MTHFD2L: variants seen among roughly 807,000 people sequenced by gnomAD.
The protein encoded by MTHFD2L is bifunctional methylenetetrahydrofolate dehydrogenase/cyclohydrolase 2, mitochondrial.
Under a neutral mutation model 34.9 loss-of-function variants are expected in MTHFD2L, and 29 were observed. The observed-to-expected ratio is 0.83, with a 90% CI of 0.62 to 1.13. The LOEUF is 1.13. Ranked by LOEUF, MTHFD2L falls within the 50% of genes most tolerant of loss-of-function variation. The pLI, the probability that MTHFD2L is intolerant of heterozygous loss-of-function variation, is 0.00. For synonymous variants in MTHFD2L, 167 were observed against 155.7 expected (o/e 1.07, Z -0.54); for missense variants, 481 against 446.5 (o/e 1.08, Z -0.70).
intron 5 of MTHFD2L, among the ~76,000 whole-genome samples, chr4:74,214,545 A>G (rs1348131121): frequency 6.6e-6 from 1 of 151,748 alleles, no homozygotes; most frequent in Non-Finnish European, 1.5e-5. Flanking sequence ...GAGGCTGCAG[A>G]ACAGCAAAGA....
intron 3 of MTHFD2L, among the ~76,000 whole-genome samples, chr4:74,178,794 A>G (rs1401977821): frequency 6.6e-6 from 1 of 152,096 alleles, no homozygotes; most frequent in African/African-American, 2.4e-5. Context: ...AATCCTGTGA[A>G]GCTGGAGCTA....
chr4:74,242,611 G>A (rs1741883748), intron 6 of MTHFD2L, among the ~76,000 whole-genome samples: 1 of 152,152 alleles, frequency 6.6e-6, no homozygotes, highest in Admixed American at 6.5e-5. Flanking sequence ...AACCAAGTCT[G>A]TCTTACTCTA....
intron 1 of MTHFD2L, among the ~76,000 whole-genome samples, chr4:74,128,495 C>A (rs1197881521): frequency 6.6e-6 from 1 of 151,996 alleles, no homozygotes; most frequent in African/African-American, 2.4e-5. Context: ...ATTGTCTATT[C>A]TTGGTGTCTT....
intron 7 of MTHFD2L, chr4:74,288,457 T>C (rs920895527): frequency 6.6e-6 from 1 of 152,224 alleles, no homozygotes; most frequent in South Asian, 2.1e-4. Context: ...AATGGGAGGC[T>C]ACACTTTGGT....
chr4:74,157,409 G>T (rs1393472680), upstream of MTHFD2L: 1 of 322,512 alleles, frequency 3.1e-6, no homozygotes, highest in Non-Finnish European at 6.1e-6. Flanking sequence ...AAAATGAATG[G>T]ACAGTCTAAT....
chr4:74,269,425 A>C lies in MTHFD2L; in HGVS notation c.806-12000A>C, dbSNP rs150875556. Among the ~76,000 whole-genome samples the C allele has an allele frequency of 6.2e-3, 943 of 152,200 alleles. 11 individuals are homozygous for C. The highest frequency in any genetic ancestry group is 0.022 in the African/African-American group (909 of 41,544). On this transcript the variant is annotated intron_variant, in intron 6 of 7. Coordinates refer to ENST00000325278, the MANE Select transcript of MTHFD2L (RefSeq NM_001144978.3). ...AATTTGGAGTTAATATAGTTTATTG[A>C]AAACTCAGATAACTAATATGGGAGT...
intron 1 of MTHFD2L, among the ~76,000 whole-genome samples, chr4:74,144,597 G>A (rs1368081131): frequency 6.6e-6 from 1 of 152,144 alleles, no homozygotes; most frequent in East Asian, 1.9e-4. Context: ...TCTTAGATCT[G>A]TAGGTTTGTA....
chr4:74,131,434 A>G (rs1722491967), intron 1 of MTHFD2L, among the ~76,000 whole-genome samples: 1 of 152,202 alleles, frequency 6.6e-6, no homozygotes, highest in African/African-American at 2.4e-5. Flanking sequence ...AACACCACTC[A>G]TCTACAACCA....
At chr4:74,116,183 A>G (rs1042675101) in intron 2 of MTHFD2L, among the ~76,000 whole-genome samples, 1 of 152,168 alleles carries the variant, frequency 6.6e-6, no homozygotes, top group Admixed American at 6.5e-5. Context: ...ACACATTCTG[A>G]TTTCTGCATC....
intron 1 of MTHFD2L, among the ~76,000 whole-genome samples, chr4:74,133,008 T>TA (rs1722665150): frequency 6.6e-6 from 1 of 152,206 alleles, no homozygotes; most frequent in Non-Finnish European, 1.5e-5. Flanking sequence ...TTTTAGTTAG[T>TA]ACACTAATAT....
At chr4:74,123,494 A>C (rs886371929), upstream of MTHFD2L, 1 of 152,178 alleles carries the variant, frequency 6.6e-6, no homozygotes, top group Non-Finnish European at 1.5e-5. Context: ...AAGGCTATCC[A>C]AAATGCTTTG....
chr4:74,201,352 G>A lies in MTHFD2L; in HGVS notation c.694G>A (p.Glu232Lys). ...TGCCATGCTTTTACACACTGATGGAGAGCATGAACGGCCAGGAGGTAGGTA... is the reference window on the plus strand; with the variant it reads ...TGCCATGCTTTTACACACTGATGGAAAGCATGAACGGCCAGGAGGTAGGTA... ...PIAMLLHTDG[E>K]HERPGGDATV... The change falls in exon 5 of 8, where the codon GAG (glutamate) becomes AAG (lysine). Residue 232 changes from glutamate (E) to lysine (K), a missense_variant. Transcript: ENST00000325278. The A allele has an allele frequency of 1.2e-6, 2 of 1,613,302 alleles. No homozygotes were observed. Among genetic ancestry groups the A allele is most frequent in the South Asian group, 2.2e-5 (2 of 90,972 alleles).
upstream of MTHFD2L, among the ~76,000 whole-genome samples, chr4:74,118,947 A>G (rs1721702487): frequency 6.6e-6 from 1 of 152,170 alleles, no homozygotes; most frequent in South Asian, 2.1e-4. Flanking sequence ...ATGCCTGATG[A>G]TCTGAGGTGG....
chr4:74,121,724 G>C (rs1011430900), upstream of MTHFD2L, among the ~76,000 whole-genome samples: 5 of 145,258 alleles, frequency 3.4e-5, no homozygotes, highest in Admixed American at 3.5e-4. Flanking sequence ...TATATGGCGA[G>C]TTGTATAATT....
intron 3 of MTHFD2L, among the ~76,000 whole-genome samples, chr4:74,184,380 T>C (rs1730752564): frequency 1.3e-5 from 2 of 152,156 alleles, no homozygotes; most frequent in Non-Finnish European, 2.9e-5. Context: ...AAGAGCTATT[T>C]AATATGAAAG....
upstream of MTHFD2L, chr4:74,123,450 G>A (rs759882855): frequency 2.1e-4 from 32 of 152,140 alleles, no homozygotes; most frequent in Middle Eastern, 6.8e-3. Flanking sequence ...AATCAATAGA[G>A]TTTTCTTTTG....
At chr4:74,137,866 A>G (rs1449197594) in intron 1 of MTHFD2L, among the ~76,000 whole-genome samples, 1 of 152,186 alleles carries the variant, frequency 6.6e-6, no homozygotes, top group Non-Finnish European at 1.5e-5. Context: ...AGACAAACAA[A>G]TATGGCATGT....
intron 5 of MTHFD2L, among the ~76,000 whole-genome samples, chr4:74,213,584 CTTCCCTTTGTGCCTTTGTGGG>C: frequency 6.6e-6 from 1 of 152,180 alleles, no homozygotes; most frequent in East Asian, 1.9e-4. Flanking sequence ...GTCTGATGGG[CTTCCCTTTGTGCCTTTGTGGG>C]TAACCTGACC....
chr4:74,169,056 C>T (rs1009933965), intron 1 of MTHFD2L, among the ~76,000 whole-genome samples: 15 of 152,134 alleles, frequency 9.9e-5, no homozygotes, highest in African/African-American at 2.7e-4. Context: ...TGAGTCTCTA[C>T]GGTGACTGAT....
Sources: gnomAD v4.1 joint callset for allele counts (sites outside exome capture counted in the v4.1 genomes callset) on GRCh38, gnomAD v4.1.1 for gene constraint, MANE v1.5 for transcripts, NCBI Gene and HGNC (gene_info 2026-07-23, HGNC 2026-07-21) for gene names.